Variants in FAM174A observed in about 807,000 individuals in gnomAD.
FAM174A encodes family with sequence similarity 174 member A, also known as membrane protein FAM174A.
In FAM174A, 14 loss-of-function variants were observed where a neutral mutation model predicts 14.3. That is an observed-to-expected ratio of 0.98 (90% CI 0.65 to 1.53). FAM174A has a LOEUF of 1.53. FAM174A is among the 40% of genes most tolerant of loss of function. The pLI, the probability that FAM174A is intolerant of heterozygous loss-of-function variation, is 0.00. For missense variants in FAM174A, 241 were observed against 249.6 expected, an observed-to-expected ratio of 0.97 and a Z score of 0.23; for synonymous variants, 108 against 111.4, an observed-to-expected ratio of 0.97 and a Z score of 0.19.
rs545417349 is a variant in FAM174A, at chr5:100,578,701, G to A, written c.570-7480G>A. Among the ~76,000 whole-genome samples, 68 of 152,048 alleles carry A rather than the reference G, an allele frequency of 4.5e-4. No homozygotes were observed. In the South Asian group the frequency reaches 0.013, roughly 28 times the overall value. On this transcript the variant is annotated intron_variant, in intron 2 of 2. Coordinates refer to ENST00000312637, the MANE Select transcript of FAM174A (RefSeq NM_198507.3). ...ACCATCATCCCATTCAGTACCAAGC[G>A]ATATTCCTCACAGTTAATAAAAACT... is the stretch of plus-strand genomic sequence containing the variant.
chr5:100,573,030 T>C (rs1158507046), intron 2 of FAM174A, among the ~76,000 whole-genome samples: 1 of 151,932 alleles, frequency 6.6e-6, no homozygotes, highest in Non-Finnish European at 1.5e-5. Flanking sequence ...TCATGTGTTT[T>C]TTGGCTGCAT....
chr5:100,567,977 T>G (rs1026272623), intron 2 of FAM174A, among the ~76,000 whole-genome samples: 1 of 152,024 alleles, frequency 6.6e-6, no homozygotes, highest in Non-Finnish European at 1.5e-5. Flanking sequence ...TCTCCCTATG[T>G]TTAACATCTG....
Position 100,586,287 on chromosome 5 carries a change from T to C in FAM174A, c.*103T>C. On this transcript the variant is annotated 3_prime_UTR_variant, in exon 3 of 3. Coordinates refer to ENST00000312637, the MANE Select transcript of FAM174A (RefSeq NM_198507.3). ...ACTATATCAATGTTGGGGGGGTATT[T>C]AAGTTACATATATTTTAACAACCTT... The C allele has an allele frequency of 1.4e-6, 1 of 714,236 alleles. No individual in the cohort carries two copies. The highest frequency in any genetic ancestry group is 2.3e-6 in the Non-Finnish European group (1 of 434,238). 44.2% of individuals were successfully genotyped at this position (714,236 alleles called of 1,614,324 possible). A position where few individuals can be genotyped will look rare whatever the true frequency, so the allele number is the denominator to read the frequency against.
chr5:100,544,499 A>G (rs1013632926), intron 1 of FAM174A, among the ~76,000 whole-genome samples: 3 of 152,150 alleles, frequency 2.0e-5, no homozygotes, highest in Admixed American at 1.3e-4. Flanking sequence ...AGATAAAGGA[A>G]AAGAATAAAA....
At chr5:100,570,045 A>T (rs1322947822) in intron 2 of FAM174A, among the ~76,000 whole-genome samples, 1 of 151,930 alleles carries the variant, frequency 6.6e-6, no homozygotes, top group Admixed American at 6.6e-5. Flanking sequence ...TTCTCCTTTT[A>T]TTCTCTTCTT....
chr5:100,562,042 T>G lies in FAM174A; in HGVS notation c.435-12T>G. 6.8e-7 allele frequency: 1 copy of G among 1,473,342 alleles called. No individual in the cohort carries two copies. Among genetic ancestry groups the G allele is most frequent in the Non-Finnish European group, 9.2e-7 (1 of 1,086,874 alleles). 91.3% of individuals were successfully genotyped at this position (1,473,342 alleles called of 1,614,324 possible). A position where few individuals can be genotyped will look rare whatever the true frequency, so the allele number is the denominator to read the frequency against. The stretch of plus-strand genomic sequence containing the variant: ...AAATAATTTTTATTCATTAATTTGT[T>G]CTATTTGATAGGATGAGAAGAAGAA... On this transcript the variant is annotated splice_polypyrimidine_tract_variant and intron_variant, in intron 1 of 2. Transcript: ENST00000312637.
chr5:100,551,787 T>G (rs764903267), intron 1 of FAM174A, among the ~76,000 whole-genome samples: 1 of 152,134 alleles, frequency 6.6e-6, no homozygotes, highest in Non-Finnish European at 1.5e-5. Context: ...TCTCTTGATC[T>G]TTTTAATGAT....
At chr5:100,538,906 G>A (rs1302090232) in intron 1 of FAM174A, among the ~76,000 whole-genome samples, 1 of 152,022 alleles carries the variant, frequency 6.6e-6, no homozygotes, top group African/African-American at 2.4e-5. Context: ...ATGGTTGTTG[G>A]TTTTAGCACG....
At chr5:100,563,344 G>A (rs1202147203) in intron 2 of FAM174A, among the ~76,000 whole-genome samples, 1 of 151,218 alleles carries the variant, frequency 6.6e-6, no homozygotes, top group African/African-American at 2.4e-5. Flanking sequence ...CAAAGCAGGG[G>A]TTGCTAAATT....
At chr5:100,566,147 T>TATATATATATATAG (rs1746642796) in intron 2 of FAM174A, among the ~76,000 whole-genome samples, 7 of 114,194 alleles carry the variant, frequency 6.1e-5, no homozygotes, top group Admixed American at 1.6e-4. Context: ...GTATGATATA[T>TATATATATATATAG]ATATATATAT....
At chr5:100,538,668 G>A (rs371522746) in intron 1 of FAM174A, among the ~76,000 whole-genome samples, 7 of 151,920 alleles carry the variant, frequency 4.6e-5, no homozygotes, top group Non-Finnish European at 1.0e-4. Flanking sequence ...ATATATGATG[G>A]GCACTGAATA....
chr5:100,569,627 T>C (rs140535979), intron 2 of FAM174A, among the ~76,000 whole-genome samples: 224 of 151,974 alleles, frequency 1.5e-3, no homozygotes, highest in Non-Finnish European at 2.6e-3. Flanking sequence ...TCAGTTTTAA[T>C]GATGAGAAAT....
intron 2 of FAM174A, among the ~76,000 whole-genome samples, 161 bp from the exon 3 acceptor site, chr5:100,586,020 A>G (rs1747119654): frequency 1.3e-5 from 2 of 152,216 alleles, no homozygotes; most frequent in African/African-American, 4.8e-5. Context: ...AATAATTTAG[A>G]CAAAATAAGC....
intron 1 of FAM174A, among the ~76,000 whole-genome samples, chr5:100,560,487 G>A (rs529997433): frequency 3.9e-5 from 6 of 152,094 alleles, no homozygotes; most frequent in African/African-American, 1.4e-4. Flanking sequence ...CACTTTAGAC[G>A]TGTATATAGA....
chr5:100,567,061 T>G (rs1220580182), intron 2 of FAM174A, among the ~76,000 whole-genome samples: 3 of 151,840 alleles, frequency 2.0e-5, no homozygotes, highest in Non-Finnish European at 1.5e-5. Context: ...ATTACCTTCC[T>G]TAATTACCAT....
At position 100,581,032 on chromosome 5, in the gene FAM174A, G is replaced by A. The variant is rs7349794; in HGVS notation, c.570-5149G>A. On this transcript the variant is annotated intron_variant, in intron 2 of 2. Transcript: ENST00000312637. ...CAACCTCTGCCTCCCGGGTTCAAGC[G>A]ATTCTTCTGCTTCAGCCTCCCAAGT... Among the ~76,000 whole-genome samples, 649 of 152,196 alleles carry A rather than the reference G, an allele frequency of 4.3e-3. 1 individual carries two copies. Among genetic ancestry groups the A allele is most frequent in the Non-Finnish European group, 6.0e-3 (408 of 68,012 alleles).
chr5:100,555,234 C>T (rs1188339023), intron 1 of FAM174A, among the ~76,000 whole-genome samples: 1 of 151,938 alleles, frequency 6.6e-6, no homozygotes, highest in Non-Finnish European at 1.5e-5. Flanking sequence ...CAGCTTCATC[C>T]ATGTCCCTAC....
intron 2 of FAM174A, among the ~76,000 whole-genome samples, chr5:100,569,653 G>T (rs1023321040): frequency 3.3e-5 from 5 of 151,870 alleles, no homozygotes; most frequent in African/African-American, 1.2e-4. Context: ...GTGCCTATAA[G>T]ATGATATCCT....
chr5:100,582,523 C>T (rs1484796439), intron 2 of FAM174A, among the ~76,000 whole-genome samples: 3 of 150,810 alleles, frequency 2.0e-5, no homozygotes, highest in Non-Finnish European at 4.4e-5. Flanking sequence ...TACGATGGCT[C>T]TTACTAGCAG....
Sources: allele counts gnomAD v4.1 joint callset (sites outside exome capture counted in the v4.1 genomes callset), GRCh38; gene constraint gnomAD v4.1.1; transcripts MANE v1.5; gene names NCBI Gene and HGNC (gene_info 2026-07-23, HGNC 2026-07-21).